Variants in R3HDM1 observed in about 807,000 individuals in gnomAD.
R3HDM1 encodes R3H domain containing 1.
A neutral mutation model predicts 141.1 loss-of-function variants in R3HDM1; 46 were observed. The observed-to-expected ratio is 0.33, with a 90% CI of 0.26 to 0.42. R3HDM1 has a LOEUF of 0.42. Among genes scored for constraint, R3HDM1 ranks in the 10% least tolerant of loss-of-function variants. The pLI is 1.00. For missense variants in R3HDM1, 1,184 were observed against 1,368.3 expected (o/e 0.87, Z 2.12); for synonymous variants, 435 against 472.9 (o/e 0.92, Z 1.04).
At chr2:135,719,741 A>G (rs531648888) in intron 24 of R3HDM1, among the ~76,000 whole-genome samples, 10 of 152,220 alleles carry the variant, frequency 6.6e-5, no homozygotes, top group South Asian at 2.1e-4. Context: ...TTTTTAAGCA[A>G]TGTTCTCTGT....
chr2:135,662,834 T>C (rs1468620853), intron 19 of R3HDM1, among the ~76,000 whole-genome samples: 3 of 152,310 alleles, frequency 2.0e-5, no homozygotes, highest in Non-Finnish European at 4.4e-5. Context: ...AATTTTCATA[T>C]TGTTTTTTCT....
In R3HDM1 at chr2:135,724,633, G is replaced by A. The variant is rs1371119337; in HGVS notation, c.*341G>A. ...TGTACAGCAAATTATTCTTCAAAAT[G>A]ATTATAACCAGTTGCACCCTGTATT... On this transcript the variant is annotated 3_prime_UTR_variant, in exon 27 of 27. Transcript: ENST00000683871. The A allele has an allele frequency of 5.4e-6, 1 of 186,730 alleles. No homozygotes were observed. The highest frequency in any genetic ancestry group is 1.1e-5 in the Non-Finnish European group (1 of 90,696). The allele number at this position is 186,730 out of a possible 1,614,324, so 11.6% of individuals were successfully genotyped here.
At chr2:135,707,013 C>T (rs2075031580) in intron 21 of R3HDM1, among the ~76,000 whole-genome samples, 1 of 151,938 alleles carries the variant, frequency 6.6e-6, no homozygotes, top group South Asian at 2.1e-4. Flanking sequence ...GGGGCTGACC[C>T]CCCCACCTCC....
chr2:135,674,496 G>A (rs947370066), intron 19 of R3HDM1, among the ~76,000 whole-genome samples: 2 of 152,070 alleles, frequency 1.3e-5, no homozygotes, highest in Admixed American at 1.3e-4. Context: ...TGAGTCTTTA[G>A]CTAATTAGTA....
At chr2:135,577,012 T>A (rs2105015004) in intron 1 of R3HDM1, 3 of 713,490 alleles carry the variant, frequency 4.2e-6, no homozygotes, top group African/African-American at 2.0e-5. Flanking sequence ...GTATGCTATA[T>A]AAATTATATC....
chr2:135,687,242 A>G (rs1213954377), intron 21 of R3HDM1, among the ~76,000 whole-genome samples: 1 of 152,150 alleles, frequency 6.6e-6, no homozygotes, highest in Non-Finnish European at 1.5e-5. Flanking sequence ...CAGAGAGTAG[A>G]ATGGTCATTG....
chr2:135,623,459 CTT>C (rs1432439308), intron 7 of R3HDM1, among the ~76,000 whole-genome samples: 3 of 152,168 alleles, frequency 2.0e-5, no homozygotes, highest in African/African-American at 7.2e-5. Context: ...TTGTTTATCT[CTT>C]ACACAGTCTT....
chr2:135,572,609 T>C (rs536862884), intron 1 of R3HDM1, among the ~76,000 whole-genome samples: 3 of 152,214 alleles, frequency 2.0e-5, no homozygotes, highest in Non-Finnish European at 4.4e-5. Context: ...TGTACACAAA[T>C]TGCTGGGGAA....
In R3HDM1 at chr2:135,655,550, A is replaced by G. The variant is rs181292584; in HGVS notation, c.2028+3518A>G. Among the ~76,000 whole-genome samples the G allele has an allele frequency of 3.0e-3, 452 of 151,926 alleles. 2 individuals are homozygous for G. Among genetic ancestry groups the G allele is most frequent in the African/African-American group, 0.01 (421 of 41,400 alleles). On this transcript the variant is annotated intron_variant, in intron 18 of 26. Transcript: ENST00000683871. ...GAGATGGAGTCTTGCTCTGTCACCC[A>G]GGCTGGAGTGCAGTGGCGCGATCTC...
At chr2:135,645,956 A>G (rs953063344) in intron 16 of R3HDM1, among the ~76,000 whole-genome samples, 1 of 152,168 alleles carries the variant, frequency 6.6e-6, no homozygotes, top group African/African-American at 2.4e-5. Flanking sequence ...TACCTACCCT[A>G]TGAAAGACAA....
chr2:135,549,046 T>C (rs1699300168), intron 1 of R3HDM1, among the ~76,000 whole-genome samples: 1 of 152,184 alleles, frequency 6.6e-6, no homozygotes, highest in African/African-American at 2.4e-5. Context: ...AGTCATCCCC[T>C]TTTTAAAAAA....
intron 21 of R3HDM1, among the ~76,000 whole-genome samples, chr2:135,689,523 T>C (rs1343728031): frequency 6.6e-6 from 1 of 152,188 alleles, no homozygotes; most frequent in Non-Finnish European, 1.5e-5. Context: ...AGTGAGTCTT[T>C]GTTTTGAAAA....
chr2:135,722,329 T>C (rs1176749841), intron 25 of R3HDM1, 140 bp from the exon 26 acceptor site: 1 of 822,658 alleles, frequency 1.2e-6, no homozygotes, highest in African/African-American at 1.7e-5. Flanking sequence ...ACAGGCAGAA[T>C]CCAGAAGGCC....
At chr2:135,649,198 T>C (rs970952103) in intron 16 of R3HDM1, 1 of 152,144 alleles carries the variant, frequency 6.6e-6, no homozygotes, top group Non-Finnish European at 1.5e-5. Context: ...CCCGAGTAGC[T>C]GGGCTACAGG....
intron 9 of R3HDM1, among the ~76,000 whole-genome samples, chr2:135,635,659 C>A (rs1251339035): frequency 6.6e-6 from 1 of 152,192 alleles, no homozygotes; most frequent in Non-Finnish European, 1.5e-5. Context: ...AGCGGACTGA[C>A]TCCAGAGCCA....
At chr2:135,708,913 C>T (rs574356910) in intron 21 of R3HDM1, among the ~76,000 whole-genome samples, 9 of 138,580 alleles carry the variant, frequency 6.5e-5, no homozygotes, top group Admixed American at 5.4e-4. Flanking sequence ...GAACTGAGAT[C>T]GTACCACTGC....
chr2:135,601,300 T>C (rs2059606135), intron 1 of R3HDM1, among the ~76,000 whole-genome samples: 1 of 152,198 alleles, frequency 6.6e-6, no homozygotes, highest in Non-Finnish European at 1.5e-5. Flanking sequence ...TTTTCTATTA[T>C]CCTTGTGTCA....
chr2:135,680,072 TTCATCTCGAAAA>T, intron 20 of R3HDM1, 89 bp from the exon 21 acceptor site: 2 of 1,236,770 alleles, frequency 1.6e-6, no homozygotes, highest in Non-Finnish European at 2.3e-6. Flanking sequence ...AGAGCAAGAA[TTCATCTCGAAAA>T]AAATAAAGTT....
intron 1 of R3HDM1, among the ~76,000 whole-genome samples, chr2:135,552,066 C>T (rs1699934306): frequency 6.6e-6 from 1 of 152,108 alleles, no homozygotes; most frequent in African/African-American, 2.4e-5. Context: ...GTTTTTGTGT[C>T]TAATGTGCAA....
Sources: gnomAD v4.1 joint callset for allele counts (sites outside exome capture counted in the v4.1 genomes callset) on GRCh38, gnomAD v4.1.1 for gene constraint, MANE v1.5 for transcripts, NCBI Gene and HGNC (gene_info 2026-07-23, HGNC 2026-07-21) for gene names.